URGCP: variants seen among roughly 807,000 people sequenced by gnomAD.
URGCP encodes the protein up-regulator of cell proliferation.
In URGCP, 13 loss-of-function variants were observed where a neutral mutation model predicts 24.6. The ratio of observed to expected loss-of-function variants is 0.53; its 90% CI spans 0.34 to 0.84. URGCP has a LOEUF of 0.84. Ranked by LOEUF, URGCP falls within the 40% of genes least tolerant of loss-of-function variation. The pLI, the probability that URGCP is intolerant of heterozygous loss-of-function variation, is 0.01. For synonymous variants in URGCP, 444 were observed against 487.2 expected, an observed-to-expected ratio of 0.91 and a Z score of 1.17; for missense variants, 899 against 1,194.3, an observed-to-expected ratio of 0.75 and a Z score of 3.64.
chr7:43,919,305 G>A, intron 1 of URGCP: 1 of 827,714 alleles, frequency 1.2e-6, no homozygotes, highest in Non-Finnish European at 2.2e-6. Flanking sequence ...CTGTGTGGTG[G>A]TGCTGCACAA....
At chr7:43,918,678 C>A (rs867049804) in intron 1 of URGCP, 3 of 649,514 alleles carry the variant, frequency 4.6e-6, no homozygotes, top group Non-Finnish European at 8.4e-6. Flanking sequence ...GCGGCTGCAA[C>A]TCTGGTGCCT....
chr7:43,890,116 G>C (rs923616036), intron 1 of URGCP, among the ~76,000 whole-genome samples: 1 of 151,638 alleles, frequency 6.6e-6, no homozygotes, highest in African/African-American at 2.4e-5. Flanking sequence ...TATTGGTCAG[G>C]CTGGTCTTGA....
intron 1 of URGCP, chr7:43,918,859 C>T (rs1394622509): frequency 1.4e-6 from 2 of 1,388,528 alleles, no homozygotes; most frequent in East Asian, 2.3e-5. Context: ...TTCTACCAGG[C>T]AGACGATGAG....
intron 1 of URGCP, among the ~76,000 whole-genome samples, chr7:43,918,546 G>A (rs1340262563): frequency 2.0e-5 from 3 of 152,110 alleles, no homozygotes; most frequent in East Asian, 3.9e-4. Context: ...CTCCCAAAGT[G>A]CTAGGATTAC....
At chr7:43,925,815 T>TC (rs1554293881) in intron 1 of URGCP, among the ~76,000 whole-genome samples, 2 of 144,838 alleles carry the variant, frequency 1.4e-5, no homozygotes, top group African/African-American at 5.0e-5. Flanking sequence ...TTTTTTTTTT[T>TC]CAAAAAAATG....
chr7:43,897,730 A>G (rs183222401), intron 1 of URGCP, among the ~76,000 whole-genome samples: 259 of 152,262 alleles, frequency 1.7e-3, no homozygotes, highest in African/African-American at 5.8e-3. Context: ...TAGACAAGGG[A>G]TCACAAACGC....
intron 1 of URGCP, among the ~76,000 whole-genome samples, chr7:43,891,147 C>T (rs1418672865): frequency 6.6e-6 from 1 of 152,190 alleles, no homozygotes; most frequent in Admixed American, 6.5e-5. Context: ...ATGGCACTCC[C>T]TGGACAGTCC....
intron 1 of URGCP, among the ~76,000 whole-genome samples, chr7:43,913,270 G>A (rs558085501): frequency 6.6e-5 from 10 of 151,256 alleles, no homozygotes; most frequent in Middle Eastern, 3.5e-3. Flanking sequence ...GTGCAGTGGC[G>A]CGAACTCGGC....
At chr7:43,892,219 ATTT>A (rs34553486) in intron 1 of URGCP, among the ~76,000 whole-genome samples, 2 of 125,354 alleles carry the variant, frequency 1.6e-5, no homozygotes, top group South Asian at 2.5e-4. Flanking sequence ...CGCCCAGCCA[ATTT>A]TTTTTTTTTT....
chr7:43,906,447 TGGCCGGGTCCG>T (rs1420787012), intron 1 of URGCP, 104 bp downstream of exon 1: 4 of 1,038,798 alleles, frequency 3.9e-6, no homozygotes, highest in African/African-American at 3.5e-5. Flanking sequence ...GGGGCGCCCC[TGGCCGGGTCCG>T]GGCCGCATCC....
chr7:43,893,340 T>C (rs114452150), intron 1 of URGCP, among the ~76,000 whole-genome samples: 2,528 of 152,078 alleles, frequency 0.017, 61 homozygotes, highest in African/African-American at 0.057. Flanking sequence ...AAAAAAAATA[T>C]GTATTTTTTT....
intron 1 of URGCP, among the ~76,000 whole-genome samples, chr7:43,913,949 T>A (rs1585837444): frequency 6.6e-6 from 1 of 152,182 alleles, no homozygotes; most frequent in South Asian, 2.1e-4. Flanking sequence ...TCCACCTGCC[T>A]TGGCCTACCA....
chr7:43,897,466 GC>G (rs1380028008), intron 1 of URGCP, among the ~76,000 whole-genome samples: 2 of 152,170 alleles, frequency 1.3e-5, no homozygotes, highest in Non-Finnish European at 2.9e-5. Context: ...CAACAGGGAG[GC>G]CCGAGTGGCT....
intron 1 of URGCP, among the ~76,000 whole-genome samples, chr7:43,925,798 C>CTTTTT (rs60736722): frequency 0.24 from 27,944 of 115,426 alleles, 4,157 homozygotes; most frequent in South Asian, 0.41. Flanking sequence ...CCTCGTCTGG[C>CTTTTT]TTTTTTTTTT....
chr7:43,895,383 T>G (rs2095876809), intron 1 of URGCP, among the ~76,000 whole-genome samples: 1 of 152,094 alleles, frequency 6.6e-6, no homozygotes, highest in Admixed American at 6.6e-5. Context: ...GTGGCTATTA[T>G]CAAAAAACCA....
intron 1 of URGCP, among the ~76,000 whole-genome samples, chr7:43,904,051 T>C (rs1585827688): frequency 6.6e-6 from 1 of 152,232 alleles, no homozygotes; most frequent in East Asian, 1.9e-4. Flanking sequence ...CCCTGTCTTC[T>C]GCCCTCTCTG....
At chr7:43,885,630 A>T (rs1049446688) in intron 3 of URGCP, among the ~76,000 whole-genome samples, 1 of 152,192 alleles carries the variant, frequency 6.6e-6, no homozygotes, top group Non-Finnish European at 1.5e-5. Flanking sequence ...ACAGGGATTG[A>T]TAAGTATCTT....
chr7:43,877,814 T>C lies in URGCP; in HGVS notation c.1649A>G (p.Glu550Gly). The change falls in exon 6 of 6, where the codon GAG becomes GGG. Residue 550 changes from glutamate to glycine, a missense_variant. Physicochemically the swap from Glu to Gly is moderately conservative, Grantham distance 98 (BLOSUM62 -2). Transcript: ENST00000453200. ...GGGGCTGCTGATCCCCGAGATGAAC[T>C]CCTGCACCCCCGAGGAGGGATCATG... ...NGHDPSSGVQ[E>G]FISGISSPSL... 1 of 1,606,752 alleles carries C rather than the reference T, an allele frequency of 6.2e-7. No individual in the cohort carries two copies. The highest frequency in any genetic ancestry group is 1.1e-5 in the South Asian group (1 of 90,404).
chr7:43,883,562 C>T (rs1049027996), intron 3 of URGCP, among the ~76,000 whole-genome samples: 2 of 151,384 alleles, frequency 1.3e-5, no homozygotes, highest in Non-Finnish European at 2.9e-5. Flanking sequence ...AGGGTTTCAC[C>T]GTGTTAGCCA....
Sources: gnomAD v4.1 joint callset for allele counts (sites outside exome capture counted in the v4.1 genomes callset) on GRCh38, gnomAD v4.1.1 for gene constraint, MANE v1.5 for transcripts, NCBI Gene and HGNC (gene_info 2026-07-23, HGNC 2026-07-21) for gene names.